JAG2: variants seen among roughly 807,000 people sequenced by gnomAD.
JAG2 encodes the protein protein jagged-2.
A neutral mutation model predicts 141.7 loss-of-function variants in JAG2; 46 were observed. The observed-to-expected ratio is 0.32, with a 90% CI of 0.26 to 0.42. The LOEUF (loss-of-function observed/expected upper bound fraction) is 0.42, where lower values mean the gene tolerates loss of function less well. Ranked by LOEUF, JAG2 falls within the 10% of genes least tolerant of loss-of-function variation. The pLI is 1.00. For synonymous variants in JAG2, 862 were observed against 763.5 expected (o/e 1.13, Z -2.13); for missense variants, 1,500 against 1,817.5 (o/e 0.83, Z 3.18).
chr14:105,156,360 T>C (rs927655425), intron 3 of JAG2, among the ~76,000 whole-genome samples: 9 of 151,814 alleles, frequency 5.9e-5, no homozygotes, highest in African/African-American at 2.2e-4. Flanking sequence ...GCAGCCCTGC[T>C]CCAACACCTG....
At chr14:105,144,316 C>T (rs1358070027) in intron 24 of JAG2, among the ~76,000 whole-genome samples, 1 of 152,146 alleles carries the variant, frequency 6.6e-6, no homozygotes, top group Non-Finnish European at 1.5e-5. Context: ...TCCCCTGCCC[C>T]TACTGCCCTT....
chr14:105,168,096 G>C lies in JAG2; in HGVS notation c.78C>G (p.Pro26=). The C allele has an allele frequency of 6.4e-7, 1 of 1,557,038 alleles. No homozygotes were observed. Among genetic ancestry groups the C allele is most frequent in the Non-Finnish European group, 8.6e-7 (1 of 1,161,080 alleles). ...TCAGCTGCAGCTCGAAATAGCCCAT[G>C]GGCCGCGCCGCCTAAAAATAAGGCA... is the stretch of plus-strand genomic sequence containing the variant. ...LLALWVQAAR[P]MGYFELQLSA... is the part of the protein sequence containing the mutation. Residue 26 remains proline (P), a synonymous_variant, in exon 2 of 26, where the codon CCC becomes CCG. Coordinates refer to ENST00000331782, the MANE Select transcript of JAG2 (RefSeq NM_002226.5).
chr14:105,168,331 CG>C, intron 1 of JAG2, 23 bp downstream of exon 1: 6 of 811,446 alleles, frequency 7.4e-6, no homozygotes, highest in African/African-American at 1.9e-5. Context: ...CCGCGACCCC[CG>C]CCGCCCCCGC....
chr14:105,145,649 C>T, intron 23 of JAG2, 82 bp downstream of exon 23: 1 of 1,522,720 alleles, frequency 6.6e-7, no homozygotes, highest in Non-Finnish European at 8.9e-7. Flanking sequence ...CCTCCCTGCC[C>T]TGCGGGGCTA....
rs587601643 is a variant in JAG2 at position 105,148,464 on chromosome 14, G to A, written c.2021-25C>T. The stretch of plus-strand genomic sequence containing the variant: ...TCTGGGGGCGAGGACGCCGGTCAGC[G>A]GGCGGGGGGTCACCGGCGCTCAGGG... On this transcript the variant is annotated intron_variant, in intron 15 of 25. Coordinates refer to ENST00000331782, the MANE Select transcript of JAG2 (RefSeq NM_002226.5). 133 of 1,569,012 alleles carry A rather than the reference G, an allele frequency of 8.5e-5. 1 individual carries two copies. The South Asian group carries it at 8.6e-4, about 10-fold the overall frequency.
chr14:105,145,007 C>A lies in JAG2; in HGVS notation c.3007G>T (p.Ala1003Ser). ...SGIRSLPATR[A>S]VARDRLLVLL... ...ACCAGCAGGCGGTCCCGTGCCACAG[C>A]CCTTGTGGCTGGCAGGGAGCGGATC... The change falls in exon 24 of 26, where the codon GCT becomes TCT. Residue 1003 changes from alanine (A) to serine (S), a missense_variant. Around this residue, in one of 3 missense-constraint regions of JAG2, gnomAD observed 425 missense variants for 441.0 expected, o/e 0.96. Coordinates refer to ENST00000331782, the MANE Select transcript of JAG2 (RefSeq NM_002226.5). 2.5e-6 allele frequency: 4 copies of A among 1,610,116 alleles called. No homozygotes were observed. The South Asian group carries it at 3.3e-5, about 13-fold the overall frequency.
Position 105,148,776 on chromosome 14 carries a change from G to A in JAG2, c.1989C>T (p.Pro663=), listed in dbSNP as rs1311540992. 1.8e-5 allele frequency: 28 copies of A among 1,588,864 alleles called. No individual in the cohort carries two copies. The highest frequency in any genetic ancestry group is 2.3e-5 in the Non-Finnish European group (27 of 1,168,224). The change falls in exon 15 of 26, where the codon CCC becomes CCT. Residue 663 remains proline, a synonymous_variant. Coordinates refer to ENST00000331782, the MANE Select transcript of JAG2 (RefSeq NM_002226.5). ...CGCAGAGCTCGCCCTCCCAGCCGCT[G>A]GGGCAGAAGCAGCGGAAGGCGTCCA... ...DEVDAFRCFC[P]SGWEGELCDT... is the part of the protein sequence containing the mutation.
intron 2 of JAG2, among the ~76,000 whole-genome samples, chr14:105,163,378 G>A (rs1888814351): frequency 6.6e-6 from 1 of 152,070 alleles, no homozygotes; most frequent in African/African-American, 2.4e-5. Context: ...GACCAGCCAG[G>A]GCCTTGCCTG....
chr14:105,147,557 C>T (rs753199411), intron 18 of JAG2, 30 bp from the exon 19 acceptor site: 2 of 1,606,138 alleles, frequency 1.2e-6, no homozygotes, highest in African/African-American at 1.3e-5. Flanking sequence ...CGCAGGGGAT[C>T]AGTACCCACC....
intron 20 of JAG2, 136 bp from the exon 21 acceptor site, chr14:105,146,860 G>T: frequency 1.3e-6 from 1 of 759,332 alleles, no homozygotes; most frequent in Non-Finnish European, 2.3e-6. Context: ...CTGCCCCCGA[G>T]CCCAAGCTGC....
In JAG2 at chr14:105,168,340, C is replaced by T. The variant is rs1888988089; in HGVS notation, c.66+15G>A. The T allele has an allele frequency of 3.3e-6, 3 of 897,604 alleles. No individual in the cohort carries two copies. Among genetic ancestry groups the T allele is most frequent in the Non-Finnish European group, 4.1e-6 (3 of 729,548 alleles). The allele number at this position is 897,604 out of a possible 1,614,324, so 55.6% of individuals were successfully genotyped here. Reference sequence around the variant, plus strand: ...CCCCGTCCGCGACCCCCGCCGCCCCCGCCGCCCCGCTCACCTGCACCCAGA... The same window carrying T: ...CCCCGTCCGCGACCCCCGCCGCCCCTGCCGCCCCGCTCACCTGCACCCAGA... On this transcript the variant is annotated intron_variant, in intron 1 of 25. Transcript: ENST00000331782.
At chr14:105,156,201 C>T (rs112468964) in intron 3 of JAG2, among the ~76,000 whole-genome samples, 2 of 152,066 alleles carry the variant, frequency 1.3e-5, no homozygotes, top group East Asian at 1.9e-4. Context: ...GCCTGCGCCC[C>T]GCTCCCACCC....
At position 105,148,177 on chromosome 14, in the gene JAG2, G is replaced by A; in HGVS notation, c.2187C>T (p.Asp729=). The A allele has an allele frequency of 1.3e-6, 2 of 1,552,602 alleles. No homozygotes were observed. The highest frequency in any genetic ancestry group is 1.4e-5 in the African/African-American group (1 of 73,282). ...AGGCGCAGCGGAAGGTGTCGCCGCT[G>A]TCGTAGCAGGTGCCACCGTTGCTGC... ...YTCSNGGTCY[D]SGDTFRCACP... Residue 729 remains aspartate (D), a synonymous_variant, in exon 17 of 26, where the codon GAC becomes GAT. Coordinates refer to ENST00000331782, the MANE Select transcript of JAG2 (RefSeq NM_002226.5).
chr14:105,153,591 C>T (rs1888500362), intron 5 of JAG2, among the ~76,000 whole-genome samples: 1 of 152,174 alleles, frequency 6.6e-6, no homozygotes, highest in South Asian at 2.1e-4. Context: ...GGCAGGAAGG[C>T]ATGGCCATCT....
rs1181876553 is a variant in JAG2 at position 105,168,132 on chromosome 14, G to T, written c.67-25C>A. On this transcript the variant is annotated intron_variant, in intron 1 of 25. Coordinates refer to ENST00000331782, the MANE Select transcript of JAG2 (RefSeq NM_002226.5). ...CCTAAAAATAAGGCAGCGGGAGAGCGGAGGGAGGCGCGGGCCGGGGTCGGC... is the reference window on the plus strand; with the variant it reads ...CCTAAAAATAAGGCAGCGGGAGAGCTGAGGGAGGCGCGGGCCGGGGTCGGC... The T allele has an allele frequency of 2.7e-6, 4 of 1,488,164 alleles. No individual in the cohort carries two copies. In the South Asian group the frequency reaches 5.0e-5, roughly 19 times the overall value. The allele number at this position is 1,488,164 out of a possible 1,614,324, so 92.2% of individuals were successfully genotyped here. A position where few individuals can be genotyped will look rare whatever the true frequency, so the allele number is the denominator to read the frequency against.
intron 2 of JAG2, among the ~76,000 whole-genome samples, chr14:105,161,434 G>C (rs1888744484): frequency 6.6e-6 from 1 of 152,152 alleles, no homozygotes; most frequent in Non-Finnish European, 1.5e-5. Context: ...AGGGCCAGCA[G>C]GGAGTTCCTC....
In JAG2 at chr14:105,141,784, G is replaced by A. The variant is rs187270215; in HGVS notation, c.*911C>T. On this transcript the variant is annotated 3_prime_UTR_variant, in exon 26 of 26. Coordinates refer to ENST00000331782, the MANE Select transcript of JAG2 (RefSeq NM_002226.5). ...ATATACAGAGTGCTTCCTTTAATATGTACACATTTACAAAAATGCACTTTC... is the reference window on the plus strand; with the variant it reads ...ATATACAGAGTGCTTCCTTTAATATATACACATTTACAAAAATGCACTTTC... The A allele has an allele frequency of 1.3e-5, 2 of 152,628 alleles. No homozygotes were observed. The highest frequency in any genetic ancestry group is 3.8e-4 in the East Asian group (2 of 5,196). 9.5% of individuals were successfully genotyped at this position (152,628 alleles called of 1,614,324 possible).
chr14:105,143,290 G>T, intron 25 of JAG2, 120 bp from the exon 26 acceptor site: 1 of 1,343,662 alleles, frequency 7.4e-7, no homozygotes, highest in Non-Finnish European at 1.0e-6. Context: ...CCCTCCGGTT[G>T]CTGGCTCGTG....
rs587673066 is a variant in JAG2 at position 105,156,981 on chromosome 14, G to A, written c.475+725C>T. On this transcript the variant is annotated intron_variant, in intron 3 of 25. Transcript: ENST00000331782. ...CTGGCAGCCAGGATGCCCTGGCCCC[G>A]CTCTCCCTCCTCCAACCCATTGGCC... Among the ~76,000 whole-genome samples, 10 of 151,970 alleles carry A rather than the reference G, an allele frequency of 6.6e-5. No homozygotes were observed. In the South Asian group the frequency reaches 1.0e-3, roughly 16 times the overall value.
Sources: allele counts gnomAD v4.1 joint callset (sites outside exome capture counted in the v4.1 genomes callset), GRCh38; gene constraint gnomAD v4.1.1; regional missense constraint gnomAD v4.1.1; transcripts MANE v1.5; gene names NCBI Gene and HGNC (gene_info 2026-07-23, HGNC 2026-07-21).